Variants in PCDHGB5 observed in about 807,000 individuals in gnomAD.
PCDHGB5 encodes protocadherin gamma subfamily B, 5.
In PCDHGB5, 48 loss-of-function variants were observed where a neutral mutation model predicts 62.9. The ratio of observed to expected loss-of-function variants is 0.76; its 90% CI spans 0.61 to 0.97. PCDHGB5 has a LOEUF of 0.97. PCDHGB5 is among the 50% of genes least tolerant of loss of function. PCDHGB5 has a pLI of 0.00. For synonymous variants in PCDHGB5, 474 were observed against 511.2 expected, an observed-to-expected ratio of 0.93 and a Z score of 0.98; for missense variants, 1,118 against 1,198.6, an observed-to-expected ratio of 0.93 and a Z score of 0.99.
At position 141,431,869 on chromosome 5, in the gene PCDHGB5, T is replaced by C. The variant is rs140856757; in HGVS notation, c.2397+31345T>C. ...GAGGGACATTAATTGCCCTTTTAAA[T>C]GTAAATGACCAAGATTCTGAGGAAA... is the stretch of plus-strand genomic sequence containing the variant. On this transcript the variant is annotated intron_variant, in intron 1 of 3. Transcript: ENST00000617380. The surrounding 1 kb of genome is among the most constrained non-coding windows in gnomAD (Gnocchi z 4.8). 8.5e-4 allele frequency: 1,376 copies of C among 1,614,252 alleles called. 2 individuals carry two copies. Among genetic ancestry groups the C allele is most frequent in the Non-Finnish European group, 1.1e-3 (1,291 of 1,180,028 alleles).
chr5:141,422,842 G>A (rs756990417), intron 1 of PCDHGB5: 5 of 1,614,228 alleles, frequency 3.1e-6, no homozygotes, highest in South Asian at 1.1e-5. Flanking sequence ...ACGTGACAGC[G>A]GGGACCCGCC....
chr5:141,467,908 C>G (rs2099154038), intron 1 of PCDHGB5, among the ~76,000 whole-genome samples: 1 of 152,172 alleles, frequency 6.6e-6, no homozygotes, highest in Non-Finnish European at 1.5e-5. Flanking sequence ...ATCCGCCCAC[C>G]TCAGCCTCCC....
rs752604165 is a variant in PCDHGB5, at chr5:141,494,771, G to A, written c.2398-36G>A. On this transcript the variant is annotated intron_variant, in intron 1 of 3. Coordinates refer to ENST00000617380, the MANE Select transcript of PCDHGB5 (RefSeq NM_018925.3). ...CTCGGGTGACATTCTAACTTCTCAC[G>A]GGTACTCAGCCCCTTTCCCTCTGTT... 74 of 1,613,730 alleles carry A rather than the reference G, an allele frequency of 4.6e-5. No homozygotes were observed. The East Asian group carries it at 1.6e-3, about 36-fold the overall frequency.
chr5:141,428,646 C>T (rs542682298), intron 1 of PCDHGB5: 7 of 170,630 alleles, frequency 4.1e-5, no homozygotes, highest in South Asian at 3.0e-4. Flanking sequence ...CTCCTACTCA[C>T]GTGAGTTCCA....
At chr5:141,478,821 A>G (rs72790063) in intron 1 of PCDHGB5, 38,524 of 1,444,166 alleles carry the variant, frequency 0.027, 650 homozygotes, top group East Asian at 0.045. Flanking sequence ...CAACTAACCA[A>G]TCTTGCTAAG....
At chr5:141,408,115 C>T (rs2095044760) in intron 1 of PCDHGB5, 1 of 1,461,312 alleles carries the variant, frequency 6.8e-7, no homozygotes, top group Non-Finnish European at 9.1e-7. Context: ...GGGACTCCTC[C>T]TGTCCTGGGC....
chr5:141,419,470 G>A (rs2096387963), intron 1 of PCDHGB5: 1 of 1,612,362 alleles, frequency 6.2e-7, no homozygotes, highest in African/African-American at 1.3e-5. Context: ...CCCGCGACCA[G>A]GGCTCGCCCG....
At chr5:141,427,923 C>T (rs2097089935) in intron 1 of PCDHGB5, 3 of 1,580,656 alleles carry the variant, frequency 1.9e-6, no homozygotes, top group African/African-American at 1.3e-5. Context: ...CATGAGCCGG[C>T]GCATGTTGGT....
intron 1 of PCDHGB5, among the ~76,000 whole-genome samples, chr5:141,464,454 A>G (rs999305559): frequency 6.6e-6 from 1 of 151,542 alleles, no homozygotes; most frequent in Non-Finnish European, 1.5e-5. Context: ...TGTTGTTGTT[A>G]TTTTTGAAGT....
At position 141,492,138 on chromosome 5, in the gene PCDHGB5, T is replaced by C. The variant is rs577884713; in HGVS notation, c.2398-2669T>C. ...ATTTCTCCCCAGCTCCCAGCATCTG[T>C]GACTTCACTGTTACCCTCCCTATCC... On this transcript the variant is annotated intron_variant, in intron 1 of 3. Coordinates refer to ENST00000617380, the MANE Select transcript of PCDHGB5 (RefSeq NM_018925.3). 2.4e-3 allele frequency among the ~76,000 whole-genome samples: 366 copies of C among 152,312 alleles called. 1 individual carries two copies. Among genetic ancestry groups the C allele is most frequent in the Non-Finnish European group, 3.5e-3 (238 of 68,014 alleles).
At chr5:141,494,724 T>C in intron 1 of PCDHGB5, 83 bp from the exon 2 acceptor site, 1 of 1,606,108 alleles carries the variant, frequency 6.2e-7, no homozygotes, top group South Asian at 1.1e-5. Flanking sequence ...CCCCTCCTTC[T>C]CTCCCGGCCC....
intron 1 of PCDHGB5, among the ~76,000 whole-genome samples, chr5:141,469,061 G>C (rs960166489): frequency 1.3e-5 from 2 of 152,010 alleles, no homozygotes; most frequent in African/African-American, 4.8e-5. Flanking sequence ...AGGATTGCTT[G>C]AGCCTAGGAG....
At chr5:141,418,066 C>T (rs777602456) in intron 1 of PCDHGB5, 1 of 1,613,980 alleles carries the variant, frequency 6.2e-7, no homozygotes, top group Non-Finnish European at 8.5e-7. Flanking sequence ...TGCGAGTGAG[C>T]GCGGAGAAGC....
At position 141,489,969 on chromosome 5, in the gene PCDHGB5, A is replaced by C. The variant is rs746202385; in HGVS notation, c.2398-4838A>C. On this transcript the variant is annotated intron_variant, in intron 1 of 3. Coordinates refer to ENST00000617380, the MANE Select transcript of PCDHGB5 (RefSeq NM_018925.3). This position sits in a 1 kb window ranked among gnomAD's most constrained non-coding sequence, Gnocchi z 4.5. The stretch of plus-strand genomic sequence containing the variant: ...TCAATGATAATGCTCCAACCTTCCA[A>C]TCCTCAGTTCTACGTGTGGGAATCC... 4 of 1,614,008 alleles carry C rather than the reference A, an allele frequency of 2.5e-6. No individual in the cohort carries two copies.
Position 141,491,300 on chromosome 5 carries a change from G to T in PCDHGB5, c.2398-3507G>T. On this transcript the variant is annotated intron_variant, in intron 1 of 3. Coordinates refer to ENST00000617380, the MANE Select transcript of PCDHGB5 (RefSeq NM_018925.3). The surrounding 1 kb of genome is among the most constrained non-coding windows in gnomAD (Gnocchi z 6.9). Reference sequence around the variant, plus strand: ...GACTTCCTCATACACCCTCCTGAGCGTTCAGACCTTACCCTTTACCTCATT... The same window carrying T: ...GACTTCCTCATACACCCTCCTGAGCTTTCAGACCTTACCCTTTACCTCATT... The T allele has an allele frequency of 6.2e-7, 1 of 1,614,136 alleles. No homozygotes were observed. The highest frequency in any genetic ancestry group is 8.5e-7 in the Non-Finnish European group (1 of 1,179,962).
chr5:141,414,236 C>T, intron 1 of PCDHGB5: 1 of 1,613,456 alleles, frequency 6.2e-7, no homozygotes. Flanking sequence ...CTGACCATCA[C>T]GTCTCTATTT....
At chr5:141,419,665 C>T in intron 1 of PCDHGB5, 1 of 1,612,860 alleles carries the variant, frequency 6.2e-7, no homozygotes, top group East Asian at 2.2e-5. Flanking sequence ...GGCACAATGC[C>T]TGGCTGTCCT....
intron 3 of PCDHGB5, among the ~76,000 whole-genome samples, chr5:141,506,948 G>A (rs949082646): frequency 6.6e-6 from 1 of 152,162 alleles, no homozygotes; most frequent in Non-Finnish European, 1.5e-5. Flanking sequence ...TCCTGTCAAT[G>A]AATCCTCTCA....
intron 1 of PCDHGB5, chr5:141,471,645 T>G (rs891817778): frequency 1.3e-5 from 2 of 152,178 alleles, no homozygotes; most frequent in Non-Finnish European, 2.9e-5. Context: ...AGTAATATAC[T>G]GGATGTGGGG....
Sources: allele counts gnomAD v4.1 joint callset (sites outside exome capture counted in the v4.1 genomes callset), GRCh38; gene constraint gnomAD v4.1.1; non-coding constraint Gnocchi (gnomAD v3.1); transcripts MANE v1.5; gene names NCBI Gene and HGNC (gene_info 2026-07-23, HGNC 2026-07-21).